The following SOX5 variants were observed in gnomAD, a reference collection of about 807,000 sequenced individuals.
The protein encoded by SOX5 is transcription factor SOX-5.
A neutral mutation model predicts 92.0 loss-of-function variants in SOX5; 9 were observed. The observed-to-expected ratio is 0.10, with a 90% CI of 0.06 to 0.17. The LOEUF is 0.17. SOX5 is among the 10% of genes least tolerant of loss of function. The pLI is 1.00. For missense variants in SOX5, 642 were observed against 944.5 expected (o/e 0.68, Z 4.20); for synonymous variants, 344 against 336.3 (o/e 1.02, Z -0.25).
intron 3 of SOX5, among the ~76,000 whole-genome samples, chr12:24,223,614 G>T (rs977104550): frequency 3.3e-5 from 5 of 152,050 alleles, no homozygotes; most frequent in Non-Finnish European, 1.5e-5. Context: ...AATTAGCCAG[G>T]CATGTTGGCA....
chr12:24,419,829 A>C (rs933407711), intron 1 of SOX5, among the ~76,000 whole-genome samples: 2 of 152,252 alleles, frequency 1.3e-5, no homozygotes, highest in African/African-American at 2.4e-5. Flanking sequence ...AAAACAATGC[A>C]TATCCAACTG....
intron 3 of SOX5, among the ~76,000 whole-genome samples, chr12:24,213,737 G>A (rs951545685): frequency 7.3e-5 from 11 of 151,462 alleles, no homozygotes; most frequent in South Asian, 4.2e-4. Context: ...AAGATACAGC[G>A]ACAACTGAAA....
intron 2 of SOX5, among the ~76,000 whole-genome samples, chr12:23,891,706 A>G (rs1462375090): frequency 6.6e-6 from 1 of 152,194 alleles, no homozygotes; most frequent in Non-Finnish European, 1.5e-5. Flanking sequence ...GTATTTCCTT[A>G]CAGAAATAAA....
At chr12:24,491,129 G>T (rs1273092356) in intron 1 of SOX5, among the ~76,000 whole-genome samples, 3 of 152,056 alleles carry the variant, frequency 2.0e-5, no homozygotes, top group Admixed American at 1.3e-4. Flanking sequence ...AGCCATTCAT[G>T]CTGGCTTGTG....
Position 23,765,385 on chromosome 12 carries a change from C to CAAAAAAAAAAAA in SOX5, c.482-9673_482-9662dup, listed in dbSNP as rs373571301. ...CTGTGAAGTCAAAAGTGTAAAACAG[C>CAAAAAAAAAAAA]AAAAAAAAAAAAAAAAAAAAAAAAA... On this transcript the variant is annotated intron_variant, in intron 3 of 14. Transcript: ENST00000451604. Among the ~76,000 whole-genome samples, 5 of 31,430 alleles carry CAAAAAAAAAAAA rather than the reference C, an allele frequency of 1.6e-4. 2 individuals carry two copies. Among genetic ancestry groups the CAAAAAAAAAAAA allele is most frequent in the African/African-American group, 2.9e-4 (2 of 6,804 alleles). The allele number at this position is 31,430 out of a possible 152,430, so 20.6% of individuals were successfully genotyped here.
At chr12:23,553,775 A>G (rs1944647350) in intron 11 of SOX5, among the ~76,000 whole-genome samples, 1 of 152,124 alleles carries the variant, frequency 6.6e-6, no homozygotes, top group Non-Finnish European at 1.5e-5. Flanking sequence ...CACAAATGTA[A>G]ACACAAAAGT....
intron 2 of SOX5, among the ~76,000 whole-genome samples, chr12:24,331,054 A>G (rs937743722): frequency 6.6e-6 from 1 of 152,186 alleles, no homozygotes; most frequent in African/African-American, 2.4e-5. Flanking sequence ...AAAAAGGAAA[A>G]GTAAGTAGTG....
chr12:24,275,716 C>A (rs2140361085), intron 3 of SOX5, among the ~76,000 whole-genome samples: 1 of 152,194 alleles, frequency 6.6e-6, no homozygotes, highest in South Asian at 2.1e-4. Context: ...AACTAAATAT[C>A]TTCCAAACTA....
intron 8 of SOX5, among the ~76,000 whole-genome samples, chr12:23,616,776 T>C (rs1372755929): frequency 1.3e-5 from 2 of 151,836 alleles, no homozygotes; most frequent in East Asian, 3.9e-4. Flanking sequence ...AGCAAGAAAA[T>C]GACTTGAGTG....
chr12:24,158,256 GTTTA>G (rs1010893259), intron 4 of SOX5, among the ~76,000 whole-genome samples: 1 of 151,968 alleles, frequency 6.6e-6, no homozygotes, highest in African/African-American at 2.4e-5. Flanking sequence ...CAATAAAAAT[GTTTA>G]TTTAATAAAA....
At chr12:24,390,947 T>C (rs972390215) in intron 1 of SOX5, among the ~76,000 whole-genome samples, 1 of 152,160 alleles carries the variant, frequency 6.6e-6, no homozygotes, top group Non-Finnish European at 1.5e-5. Context: ...AGACATCTAG[T>C]AGTGGGACTG....
chr12:23,603,123 G>T (rs1044710501), intron 9 of SOX5, among the ~76,000 whole-genome samples: 2 of 151,916 alleles, frequency 1.3e-5, no homozygotes, highest in African/African-American at 4.8e-5. Flanking sequence ...ATATGGAAAA[G>T]GACTGGGGAA....
chr12:24,406,865 T>C (rs999512147), intron 1 of SOX5, among the ~76,000 whole-genome samples: 1 of 152,196 alleles, frequency 6.6e-6, no homozygotes, highest in African/African-American at 2.4e-5. Flanking sequence ...AAATAAATTG[T>C]GTTTTGATTG....
At chr12:23,810,596 A>G (rs1010552436) in intron 3 of SOX5, among the ~76,000 whole-genome samples, 3 of 152,174 alleles carry the variant, frequency 2.0e-5, no homozygotes, top group Non-Finnish European at 4.4e-5. Flanking sequence ...AAAAATGCAG[A>G]GCCAGAATTG....
At chr12:24,182,676 T>C (rs1450324572) in intron 4 of SOX5, among the ~76,000 whole-genome samples, 1 of 152,106 alleles carries the variant, frequency 6.6e-6, no homozygotes, top group Admixed American at 6.5e-5. Context: ...ACTGGAAAAG[T>C]CCTAAATATA....
intron 3 of SOX5, among the ~76,000 whole-genome samples, chr12:24,239,297 G>C (rs1468206679): frequency 6.6e-6 from 1 of 152,176 alleles, no homozygotes; most frequent in African/African-American, 2.4e-5. Flanking sequence ...AAAAAAAGAA[G>C]ATATAGTCTT....
In SOX5 at chr12:24,088,844, T is replaced by C. The variant is rs978393779; in HGVS notation, c.-2+124499A>G. Among the ~76,000 whole-genome samples, 48 of 152,046 alleles carry C rather than the reference T, an allele frequency of 3.2e-4. 1 individual carries two copies. ...TTTAATTAGGGGGATATTTTTCAAA[T>C]GAGGAAAAGTATGATTTTAAAAGTG... On this transcript the variant is annotated intron_variant, in intron 4 of 4. Transcript: ENST00000446891.
intron 3 of SOX5, among the ~76,000 whole-genome samples, chr12:24,234,819 G>A (rs1001455996): frequency 1.3e-5 from 2 of 152,106 alleles, no homozygotes; most frequent in East Asian, 1.9e-4. Flanking sequence ...CCCTGCCCAG[G>A]GGACCTTTAG....
At chr12:23,654,018 G>A (rs1311922215) in intron 7 of SOX5, among the ~76,000 whole-genome samples, 5 of 151,946 alleles carry the variant, frequency 3.3e-5, no homozygotes, top group Non-Finnish European at 7.4e-5. Context: ...GACAACTCTT[G>A]GCATATCAAA....
Sources: gnomAD v4.1 joint callset for allele counts (sites outside exome capture counted in the v4.1 genomes callset) on GRCh38, gnomAD v4.1.1 for gene constraint, MANE v1.5 for transcripts, NCBI Gene and HGNC (gene_info 2026-07-23, HGNC 2026-07-21) for gene names.